The following CDC14A variants were observed in gnomAD, a reference collection of about 807,000 sequenced individuals.
CDC14A encodes the protein dual specificity protein phosphatase CDC14A.
CDC14A carries 53 observed loss-of-function variants against 74.4 expected under a neutral mutation model. The observed-to-expected ratio is 0.71, with a 90% CI of 0.57 to 0.89. The LOEUF is 0.89. Among genes scored for constraint, CDC14A ranks in the 40% least tolerant of loss-of-function variants. The pLI, the probability that CDC14A is intolerant of heterozygous loss-of-function variation, is 0.00. For missense variants in CDC14A, 646 were observed against 713.7 expected, an observed-to-expected ratio of 0.91 and a Z score of 1.08; for synonymous variants, 247 against 258.4, an observed-to-expected ratio of 0.96 and a Z score of 0.43.
chr1:100,377,399 A>T, intron 2 of CDC14A, 147 bp from the exon 3 acceptor site: 1 of 624,738 alleles, frequency 1.6e-6, no homozygotes, highest in South Asian at 2.0e-5. Context: ...CGAAACCATT[A>T]GTTATTTGGA....
chr1:100,419,927 A>T (rs377721175), intron 4 of CDC14A, among the ~76,000 whole-genome samples: 25 of 149,486 alleles, frequency 1.7e-4, no homozygotes, highest in Admixed American at 9.4e-4. Flanking sequence ...TTGAATCCTC[A>T]AGAGTATTTT....
chr1:100,382,112 A>G (rs1028149880), intron 3 of CDC14A, among the ~76,000 whole-genome samples: 4 of 151,836 alleles, frequency 2.6e-5, no homozygotes, highest in African/African-American at 9.7e-5. Flanking sequence ...TGACACAGAC[A>G]TGCTAAGAAC....
chr1:100,433,151 A>G (rs1663916774), intron 5 of CDC14A, among the ~76,000 whole-genome samples: 2 of 152,102 alleles, frequency 1.3e-5, no homozygotes, highest in Non-Finnish European at 1.5e-5. Context: ...AAGGGATCAC[A>G]GGTGTGAGCC....
At chr1:100,416,696 G>C (rs1661570128) in intron 4 of CDC14A, among the ~76,000 whole-genome samples, 1 of 152,112 alleles carries the variant, frequency 6.6e-6, no homozygotes, top group African/African-American at 2.4e-5. Context: ...AACATTTTGG[G>C]ACCAAAGTTT....
At chr1:100,517,722 T>C (rs1376158627) in intron 15 of CDC14A, among the ~76,000 whole-genome samples, 2 of 152,218 alleles carry the variant, frequency 1.3e-5, no homozygotes, top group Non-Finnish European at 2.9e-5. Flanking sequence ...TTCAAGCTGG[T>C]AGTACTTCAT....
chr1:100,391,307 T>A (rs963296193), intron 4 of CDC14A, among the ~76,000 whole-genome samples: 1 of 147,220 alleles, frequency 6.8e-6, no homozygotes, highest in African/African-American at 2.7e-5. Flanking sequence ...GCAAACTGAA[T>A]ATAAATCCTG....
chr1:100,444,966 T>C (rs976702741), intron 7 of CDC14A, among the ~76,000 whole-genome samples: 3 of 152,054 alleles, frequency 2.0e-5, no homozygotes, highest in African/African-American at 7.2e-5. Context: ...ATAAAAGCAT[T>C]TTAGTAGTGA....
chr1:100,413,894 C>T (rs970904294), intron 4 of CDC14A, among the ~76,000 whole-genome samples: 39 of 152,124 alleles, frequency 2.6e-4, no homozygotes, highest in African/African-American at 9.2e-4. Flanking sequence ...ATTCAGGGTT[C>T]ACTTTAAAGC....
chr1:100,483,321 T>C (rs1285364981), intron 10 of CDC14A, among the ~76,000 whole-genome samples: 2 of 152,212 alleles, frequency 1.3e-5, no homozygotes, highest in African/African-American at 2.4e-5. Context: ...ATGGTTTTGA[T>C]TTGCATTTCT....
chr1:100,353,884 G>T (rs771755528), intron 2 of CDC14A, 32 bp downstream of exon 2: 1 of 1,298,322 alleles, frequency 7.7e-7, no homozygotes, highest in Non-Finnish European at 1.1e-6. Context: ...TTTTCTCTTG[G>T]CCATTCAGCT....
upstream of CDC14A, chr1:100,351,916 G>A (rs1349176848): frequency 2.1e-5 from 21 of 1,011,730 alleles, no homozygotes; most frequent in East Asian, 4.9e-4. Flanking sequence ...GGGCGTGGGG[G>A]GTGGCTGAAA....
chr1:100,351,752 AC>A (rs1227428593), upstream of CDC14A: 1 of 1,550,570 alleles, frequency 6.4e-7, no homozygotes, highest in Non-Finnish European at 8.7e-7. Context: ...GGCGTGGAGA[AC>A]CAGATGGGAA....
chr1:100,492,861 T>TGTGTGTGTGTGTGG (rs1557823999), intron 11 of CDC14A, among the ~76,000 whole-genome samples: 2 of 146,016 alleles, frequency 1.4e-5, no homozygotes, highest in Non-Finnish European at 3.0e-5. Context: ...TGTGTGTGTG[T>TGTGTGTGTGTGTGG]GTATGTGTGT....
intron 5 of CDC14A, among the ~76,000 whole-genome samples, chr1:100,433,964 T>C (rs1034498707): frequency 2.6e-5 from 4 of 152,244 alleles, no homozygotes; most frequent in Admixed American, 1.3e-4. Flanking sequence ...AACAAGCTCT[T>C]TAACATTTAA....
At chr1:100,371,981 G>C (rs1464458091) in intron 2 of CDC14A, among the ~76,000 whole-genome samples, 1 of 152,134 alleles carries the variant, frequency 6.6e-6, no homozygotes, top group Non-Finnish European at 1.5e-5. Context: ...TTTGGTTCTA[G>C]ACCACCACAA....
rs568993216 is a variant in CDC14A at position 100,411,562 on chromosome 1, A to G, written c.310-12660A>G. Reference sequence around the variant, plus strand: ...GACTTACTGAAGCCCAAAACTTAGTAATGAATTTCCTGGAAGTTTAGTCAA... The same window carrying G: ...GACTTACTGAAGCCCAAAACTTAGTGATGAATTTCCTGGAAGTTTAGTCAA... On this transcript the variant is annotated intron_variant, in intron 4 of 15. Transcript: ENST00000336454. Among the ~76,000 whole-genome samples, 8 of 152,280 alleles carry G rather than the reference A, an allele frequency of 5.3e-5. No homozygotes were observed. In the East Asian group the frequency reaches 1.5e-3, roughly 29 times the overall value.
intron 4 of CDC14A, among the ~76,000 whole-genome samples, chr1:100,407,957 T>C (rs1407206044): frequency 6.6e-6 from 1 of 152,146 alleles, no homozygotes; most frequent in East Asian, 1.9e-4. Context: ...ATGTGCAGGT[T>C]TGTTGTAGAG....
chr1:100,391,530 G>A (rs1043718873), intron 4 of CDC14A, among the ~76,000 whole-genome samples: 11 of 152,180 alleles, frequency 7.2e-5, no homozygotes, highest in African/African-American at 2.7e-4. Context: ...CATACTTGCA[G>A]GGATATGTGT....
At chr1:100,358,421 G>A (rs1260232804) in intron 2 of CDC14A, among the ~76,000 whole-genome samples, 1 of 152,200 alleles carries the variant, frequency 6.6e-6, no homozygotes, top group Admixed American at 6.5e-5. Context: ...GATGTTCATG[G>A]CATAGAAAGC....
Sources: gnomAD v4.1 joint callset for allele counts (sites outside exome capture counted in the v4.1 genomes callset) on GRCh38, gnomAD v4.1.1 for gene constraint, MANE v1.5 for transcripts, NCBI Gene and HGNC (gene_info 2026-07-23, HGNC 2026-07-21) for gene names.